Variants in BRDT observed in about 807,000 individuals in gnomAD.
BRDT encodes bromodomain testis-specific protein.
Under a neutral mutation model 113.9 loss-of-function variants are expected in BRDT, and 77 were observed. The observed-to-expected ratio is 0.68, with a 90% CI of 0.56 to 0.82. The LOEUF (loss-of-function observed/expected upper bound fraction) is 0.82, where lower values mean the gene tolerates loss of function less well. Ranked by LOEUF, BRDT falls within the 40% of genes least tolerant of loss-of-function variation. BRDT has a pLI of 0.00. For synonymous variants in BRDT, 358 were observed against 366.5 expected (o/e 0.98, Z 0.26); for missense variants, 1,027 against 1,105.4 (o/e 0.93, Z 1.01).
rs563407227 is a variant in BRDT, at chr1:91,991,853, A to G, written c.2065-411A>G. Among the ~76,000 whole-genome samples, 4 of 14,602 alleles carry G rather than the reference A, an allele frequency of 2.7e-4. No homozygotes were observed. The East Asian group carries it at 4.5e-3, about 17-fold the overall frequency. The allele number at this position is 14,602 out of a possible 152,430, so 9.6% of individuals were successfully genotyped here. A position where few individuals can be genotyped will look rare whatever the true frequency, so the allele number is the denominator to read the frequency against. ...TAAAAATACAAAAAATTAGCCGGGC[A>G]TGGCGCCATGCGCCTGTAATCCCAG... is the stretch of plus-strand genomic sequence containing the variant. On this transcript the variant is annotated intron_variant, in intron 13 of 18. Coordinates refer to ENST00000399546, the MANE Select transcript of BRDT (RefSeq NM_207189.4).
intron 4 of BRDT, among the ~76,000 whole-genome samples, chr1:91,974,593 C>T (rs1443556422): frequency 1.3e-5 from 2 of 152,208 alleles, no homozygotes; most frequent in South Asian, 2.1e-4. Context: ...TATCATCTCA[C>T]ACCAGTTAGA....
At chr1:91,996,240 AATTTT>A (rs1686320181) in intron 15 of BRDT, among the ~76,000 whole-genome samples, 1 of 151,978 alleles carries the variant, frequency 6.6e-6, no homozygotes, top group Non-Finnish European at 1.5e-5. Context: ...GATTTTATTC[AATTTT>A]ATTTTATTTA....
chr1:91,961,190 A>T (rs1682407258), intron 1 of BRDT, among the ~76,000 whole-genome samples: 1 of 152,172 alleles, frequency 6.6e-6, no homozygotes, highest in Non-Finnish European at 1.5e-5. Flanking sequence ...AGGTGCCTGT[A>T]ATCCCAGCTA....
Position 92,014,222 on chromosome 1 carries a change from A to AT in BRDT, c.2793dup (p.Met932TyrfsTer6). 6.3e-7 allele frequency: 1 copy of AT among 1,591,382 alleles called. No individual in the cohort carries two copies. Among genetic ancestry groups the AT allele is most frequent in the African/African-American group, 1.4e-5 (1 of 73,912 alleles). The stretch of plus-strand genomic sequence containing the variant: ...TTTCTACAGATGGTGGGTACCATTG[A>AT]TATGACCCTTCAAAGTGACATTATG... On this transcript the variant is annotated frameshift_variant, in exon 19 of 19. Transcript: ENST00000399546. LOFTEE classifies it high-confidence loss of function.
intron 1 of BRDT, among the ~76,000 whole-genome samples, chr1:91,951,597 C>T (rs997196885): frequency 1.5e-4 from 23 of 151,712 alleles, no homozygotes; most frequent in African/African-American, 5.3e-4. Context: ...CATGGTGAAA[C>T]CCCGTCTCTA....
intron 1 of BRDT, among the ~76,000 whole-genome samples, chr1:91,957,163 G>A (rs184891643): frequency 1.3e-5 from 2 of 152,256 alleles, no homozygotes; most frequent in East Asian, 1.9e-4. Flanking sequence ...TTGTGTTAGC[G>A]CTGAACATGG....
At chr1:91,959,397 T>TA (rs1259475177) in intron 1 of BRDT, among the ~76,000 whole-genome samples, 2 of 148,188 alleles carry the variant, frequency 1.3e-5, no homozygotes, top group African/African-American at 5.0e-5. Flanking sequence ...TCTTTGTTCT[T>TA]ACGATTTTTC....
intron 1 of BRDT, chr1:91,952,292 G>C (rs1294258411): frequency 6.6e-6 from 1 of 152,210 alleles, no homozygotes; most frequent in Non-Finnish European, 1.5e-5. Context: ...GGGAGTTTTA[G>C]AGGAATGTTG....
At chr1:91,976,865 A>G (rs1445659148) in intron 5 of BRDT, among the ~76,000 whole-genome samples, 178 bp from the exon 6 acceptor site, 1 of 152,216 alleles carries the variant, frequency 6.6e-6, no homozygotes, top group Non-Finnish European at 1.5e-5. Context: ...TAGTTTGCCT[A>G]CAAAAGGAAA....
chr1:91,980,515 T>C (rs544620639), intron 8 of BRDT, 128 bp from the exon 9 acceptor site: 1 of 810,144 alleles, frequency 1.2e-6, no homozygotes, highest in East Asian at 3.1e-5. Context: ...AAATAAAAAC[T>C]TGAAGGAAAT....
At chr1:92,005,598 C>T (rs1687224100) in intron 18 of BRDT, among the ~76,000 whole-genome samples, 2 of 152,118 alleles carry the variant, frequency 1.3e-5, no homozygotes, top group Admixed American at 1.3e-4. Context: ...GAGCTATGAT[C>T]ACACCACTAC....
Position 91,964,043 on chromosome 1 carries a change from C to T in BRDT, c.193-584C>T, listed in dbSNP as rs1171930926. Reference sequence around the variant, plus strand: ...TGTGCCAGCACACCTGGCTAATTTTCTGTTGTTTTTTTTTGTTGTTGTTGT... The same window carrying T: ...TGTGCCAGCACACCTGGCTAATTTTTTGTTGTTTTTTTTTGTTGTTGTTGT... On this transcript the variant is annotated intron_variant, in intron 2 of 18. Transcript: ENST00000399546. Among the ~76,000 whole-genome samples, 12 of 151,736 alleles carry T rather than the reference C, an allele frequency of 7.9e-5. 1 individual carries two copies. Among genetic ancestry groups the T allele is most frequent in the Admixed American group, 3.3e-4 (5 of 15,218 alleles).
intron 15 of BRDT, among the ~76,000 whole-genome samples, chr1:91,997,814 C>T (rs1360201391): frequency 6.6e-6 from 1 of 152,190 alleles, no homozygotes; most frequent in Non-Finnish European, 1.5e-5. Context: ...GTAGGTGGCA[C>T]TATGCCCAAG....
In BRDT at chr1:92,004,569, G is replaced by A; in HGVS notation, c.2544G>A (p.Lys848=). 6.2e-7 allele frequency: 1 copy of A among 1,612,456 alleles called. No individual in the cohort carries two copies. The highest frequency in any genetic ancestry group is 8.5e-7 in the Non-Finnish European group (1 of 1,179,480). ...VKARTQELIR[K]HLEQNTKELK... ...CTCGGACACAGGAACTCATACGGAA[G>A]CATTTGGAACAAAATACAAAGGAAC... The change falls in exon 17 of 19, where the codon AAG becomes AAA. Residue 848 remains lysine (K), a synonymous_variant. Coordinates refer to ENST00000399546, the MANE Select transcript of BRDT (RefSeq NM_207189.4).
chr1:91,963,966 G>A (rs1682783704), intron 2 of BRDT, among the ~76,000 whole-genome samples: 1 of 151,816 alleles, frequency 6.6e-6, no homozygotes, highest in Non-Finnish European at 1.5e-5. Context: ...CTGCCTCCTG[G>A]GCTCAAGTGA....
chr1:91,980,763 A>G lies in BRDT; in HGVS notation c.1408A>G (p.Asn470Asp), dbSNP rs1305112642. The G allele has an allele frequency of 1.2e-6, 2 of 1,605,324 alleles. No individual in the cohort carries two copies. The highest frequency in any genetic ancestry group is 1.3e-5 in the African/African-American group (1 of 74,272). Residue 470 changes from asparagine (N) to aspartate (D), a missense_variant, in exon 9 of 19, where the codon AAT becomes GAT. Asn to Asp is a conservative substitution (Grantham distance 23). Coordinates refer to ENST00000399546, the MANE Select transcript of BRDT (RefSeq NM_207189.4). ...KKEKVNNSNE[N>D]PRKMCEQMRL... Reference sequence around the variant, plus strand: ...AGAAAAGGTTAATAACAGCAATGAAAATCCAAGAAAAATGTGTGAGCAAAT... The same window carrying G: ...AGAAAAGGTTAATAACAGCAATGAAGATCCAAGAAAAATGTGTGAGCAAAT...
At chr1:91,963,959 C>A (rs1682782569) in intron 2 of BRDT, among the ~76,000 whole-genome samples, 1 of 152,066 alleles carries the variant, frequency 6.6e-6, no homozygotes, top group Non-Finnish European at 1.5e-5. Context: ...GCAACCTCTG[C>A]CTCCTGGGCT....
rs746637899 is a variant in BRDT, at chr1:92,005,181, G to C, written c.2657G>C (p.Gly886Ala). 1 of 1,571,768 alleles carries C rather than the reference G, an allele frequency of 6.4e-7. No homozygotes were observed. The highest frequency in any genetic ancestry group is 8.6e-7 in the Non-Finnish European group (1 of 1,162,326). ...AATAAAATACAAAACAAGTGCTCTG[G>C]AGAAGAGCAGAAAGAACATCAGCAG... The part of the protein sequence containing the change: ...FSNKIQNKCS[G>A]EEQKEHQQSS... Residue 886 changes from glycine (G) to alanine (A), a missense_variant, in exon 18 of 19, where the codon GGA (glycine) becomes GCA (alanine). Transcript: ENST00000399546.
intron 18 of BRDT, among the ~76,000 whole-genome samples, chr1:92,010,267 ATTTTTTTTTTT>A (rs373305680): frequency 9.9e-6 from 1 of 101,046 alleles, no homozygotes; most frequent in South Asian, 3.4e-4. Flanking sequence ...TGCTCTTTTA[ATTTTTTTTTTT>A]TTTTTTTTTT....
Sources: gnomAD v4.1 joint callset for allele counts (sites outside exome capture counted in the v4.1 genomes callset) on GRCh38, gnomAD v4.1.1 for gene constraint, MANE v1.5 for transcripts, NCBI Gene and HGNC (gene_info 2026-07-23, HGNC 2026-07-21) for gene names.